The following CLVS1 variants were observed in gnomAD, a reference collection of about 807,000 sequenced individuals.
CLVS1 encodes clavesin 1, also known as clavesin-1.
CLVS1 carries 10 observed loss-of-function variants against 33.1 expected under a neutral mutation model. The ratio of observed to expected loss-of-function variants is 0.30; its 90% CI spans 0.19 to 0.51. The LOEUF (loss-of-function observed/expected upper bound fraction) is 0.51. Ranked by LOEUF, CLVS1 falls within the 20% of genes least tolerant of loss-of-function variation. The pLI is 0.97. For synonymous variants in CLVS1, 163 were observed against 166.1 expected (o/e 0.98, Z 0.14); for missense variants, 343 against 433.4 (o/e 0.79, Z 1.85).
chr8:61,058,665 A>G (rs1260531328), intron 1 of CLVS1, among the ~76,000 whole-genome samples: 2 of 152,174 alleles, frequency 1.3e-5, no homozygotes, highest in Non-Finnish European at 2.9e-5. Flanking sequence ...CATCATTTCA[A>G]ACAGTTTTCT....
chr8:61,071,899 C>T (rs988539679), intron 1 of CLVS1, among the ~76,000 whole-genome samples: 2 of 152,126 alleles, frequency 1.3e-5, no homozygotes, highest in Non-Finnish European at 2.9e-5. Flanking sequence ...GTTGTCAGTG[C>T]TTTTGTTTAA....
the CLVS1 span, among the ~76,000 whole-genome samples, chr8:60,969,680 A>C: frequency 6.6e-6 from 1 of 152,092 alleles, no homozygotes; most frequent in Non-Finnish European, 1.5e-5. Flanking sequence ...TATTGGTTTT[A>C]TGTTGACATA....
At chr8:61,328,556 C>T (rs1811469816) in intron 2 of CLVS1, among the ~76,000 whole-genome samples, 1 of 151,986 alleles carries the variant, frequency 6.6e-6, no homozygotes, top group Non-Finnish European at 1.5e-5. Context: ...CTTCCCTTAT[C>T]CTCATCAAAG....
chr8:61,083,973 CTGGGAAGA>C (rs1805072955), intron 1 of CLVS1, among the ~76,000 whole-genome samples: 1 of 152,120 alleles, frequency 6.6e-6, no homozygotes, highest in Admixed American at 6.5e-5. Flanking sequence ...AAGTTCCCAG[CTGGGAAGA>C]ACAAATTACT....
chr8:61,073,738 C>G (rs888427432), intron 1 of CLVS1, among the ~76,000 whole-genome samples: 8 of 152,016 alleles, frequency 5.3e-5, no homozygotes, highest in African/African-American at 1.9e-4. Flanking sequence ...AAAGGCCGGG[C>G]GCAGTGGCTC....
chr8:61,345,984 T>C lies in CLVS1; in HGVS notation c.456-30621T>C, dbSNP rs181983823. On this transcript the variant is annotated intron_variant, in intron 2 of 5. Coordinates refer to ENST00000325897, the MANE Select transcript of CLVS1 (RefSeq NM_173519.3). ...AACCTATATGTGATTTTTAATTATTTTAATTGTTTATTCGAGAGAGTGCAT... is the reference window on the plus strand; with the variant it reads ...AACCTATATGTGATTTTTAATTATTCTAATTGTTTATTCGAGAGAGTGCAT... 5.9e-5 allele frequency among the ~76,000 whole-genome samples: 9 copies of C among 152,256 alleles called. No individual in the cohort carries two copies. The East Asian group carries it at 1.7e-3, about 29-fold the overall frequency.
At chr8:61,149,571 A>AAAAAAAAAAAAAAAC (rs1252529979) in intron 2 of CLVS1, among the ~76,000 whole-genome samples, 4 of 149,862 alleles carry the variant, frequency 2.7e-5, no homozygotes, top group Admixed American at 1.3e-4. Flanking sequence ...AAAAAAAACA[A>AAAAAAAAAAAAAAAC]AAAACAAAAC....
intron 2 of CLVS1, among the ~76,000 whole-genome samples, chr8:61,346,068 T>G (rs1171452772): frequency 1.3e-5 from 2 of 152,154 alleles, no homozygotes; most frequent in African/African-American, 4.8e-5. Context: ...AAAAGGTAAA[T>G]CTTTGTCCAT....
chr8:61,387,797 A>G (rs1333583896), intron 3 of CLVS1, among the ~76,000 whole-genome samples: 1 of 152,158 alleles, frequency 6.6e-6, no homozygotes, highest in Admixed American at 6.5e-5. Context: ...GGTTGCTGCT[A>G]ATGCCATTAG....
intron 3 of CLVS1, among the ~76,000 whole-genome samples, chr8:61,440,033 C>T (rs1156958414): frequency 6.6e-6 from 1 of 152,156 alleles, no homozygotes; most frequent in Non-Finnish European, 1.5e-5. Context: ...TTAGCTCTTC[C>T]CTAAGGAACT....
At chr8:61,187,974 C>T (rs999640586) in intron 2 of CLVS1, among the ~76,000 whole-genome samples, 2 of 151,892 alleles carry the variant, frequency 1.3e-5, no homozygotes, top group Non-Finnish European at 2.9e-5. Flanking sequence ...AAGAGAACAG[C>T]AACGCAGAAA....
At chr8:61,272,377 G>A (rs2129592775) in intron 2 of CLVS1, among the ~76,000 whole-genome samples, 1 of 152,238 alleles carries the variant, frequency 6.6e-6, no homozygotes, top group Admixed American at 6.5e-5. Context: ...TTAGTCTGAT[G>A]GGCTTCCCTT....
intron 1 of CLVS1, among the ~76,000 whole-genome samples, chr8:61,068,408 GACAC>G (rs1287443012): frequency 6.6e-6 from 1 of 151,924 alleles, no homozygotes; most frequent in Non-Finnish European, 1.5e-5. Context: ...AAGAAGGAGA[GACAC>G]ACACAGCAGC....
chr8:61,047,593 C>T, the CLVS1 span, among the ~76,000 whole-genome samples: 1 of 152,122 alleles, frequency 6.6e-6, no homozygotes, highest in Non-Finnish European at 1.5e-5. Flanking sequence ...ACATATACAC[C>T]ATGGAATACT....
At chr8:61,193,846 T>C (rs189876282) in intron 2 of CLVS1, among the ~76,000 whole-genome samples, 1 of 152,236 alleles carries the variant, frequency 6.6e-6, no homozygotes, top group East Asian at 1.9e-4. Context: ...TGGGTAAATT[T>C]AAGCAAACAT....
intron 2 of CLVS1, among the ~76,000 whole-genome samples, chr8:61,174,848 C>G (rs142345510): frequency 2.1e-4 from 19 of 89,256 alleles, no homozygotes; most frequent in African/African-American, 8.7e-4. Flanking sequence ...TTATCCCCCC[C>G]GTCAGCTTCC....
intron 2 of CLVS1, among the ~76,000 whole-genome samples, chr8:61,369,641 G>A (rs1171739352): frequency 6.6e-6 from 1 of 152,184 alleles, no homozygotes; most frequent in African/African-American, 2.4e-5. Flanking sequence ...TGGGATAGGA[G>A]GCTCCTTCAC....
chr8:61,247,794 A>T (rs931520971), intron 2 of CLVS1, among the ~76,000 whole-genome samples: 1 of 152,120 alleles, frequency 6.6e-6, no homozygotes, highest in African/African-American at 2.4e-5. Context: ...GTTTAATTAG[A>T]TCCCATTTGT....
At chr8:61,256,338 C>A (rs1809081219) in intron 2 of CLVS1, among the ~76,000 whole-genome samples, 1 of 152,154 alleles carries the variant, frequency 6.6e-6, no homozygotes, top group African/African-American at 2.4e-5. Context: ...CAGGGTGAAA[C>A]CCTGTCTGTA....
Sources: allele counts gnomAD v4.1 joint callset (sites outside exome capture counted in the v4.1 genomes callset), GRCh38; gene constraint gnomAD v4.1.1; transcripts MANE v1.5; gene names NCBI Gene and HGNC (gene_info 2026-07-23, HGNC 2026-07-21).